The following GAD2 variants were observed in gnomAD, a reference collection of about 807,000 sequenced individuals.
The protein encoded by GAD2 is 65 kDa glutamic acid decarboxylase.
A neutral mutation model predicts 80.1 loss-of-function variants in GAD2; 22 were observed. The ratio of observed to expected loss-of-function variants is 0.27; its 90% CI spans 0.20 to 0.39. The LOEUF (loss-of-function observed/expected upper bound fraction) is 0.39. GAD2 is among the 10% of genes least tolerant of loss of function. The pLI, the probability that GAD2 is intolerant of heterozygous loss-of-function variation, is 1.00. For synonymous variants in GAD2, 274 were observed against 256.9 expected, an observed-to-expected ratio of 1.07 and a Z score of -0.64; for missense variants, 624 against 738.4, an observed-to-expected ratio of 0.85 and a Z score of 1.80.
chr10:26,219,027 T>G lies in GAD2; in HGVS notation c.287-16T>G. 6.6e-7 allele frequency: 1 copy of G among 1,524,810 alleles called. No homozygotes were observed. Among genetic ancestry groups the G allele is most frequent in the South Asian group, 1.3e-5 (1 of 77,770 alleles). The allele number at this position is 1,524,810 out of a possible 1,614,324, so 94.5% of individuals were successfully genotyped here. Reference sequence around the variant, plus strand: ...AAAGTAAAATTAAAATGTGGCATTTTAATTTCATTCTTTAGACCTGCTGCC... The same window carrying G: ...AAAGTAAAATTAAAATGTGGCATTTGAATTTCATTCTTTAGACCTGCTGCC... On this transcript the variant is annotated splice_polypyrimidine_tract_variant and intron_variant, in intron 3 of 15. Coordinates refer to ENST00000376261, the MANE Select transcript of GAD2 (RefSeq NM_001134366.2).
In GAD2 at chr10:26,292,922, C is replaced by T. The variant is rs1368211057; in HGVS notation, c.1515C>T (p.Cys505=). 6 of 1,613,968 alleles carry T rather than the reference C, an allele frequency of 3.7e-6. No homozygotes were observed. The highest frequency in any genetic ancestry group is 2.2e-5 in the East Asian group (1 of 44,882). Residue 505 remains cysteine, a synonymous_variant, in exon 15 of 16, where the codon TGC becomes TGT. Coordinates refer to ENST00000376261, the MANE Select transcript of GAD2 (RefSeq NM_001134366.2). ...FDGKPQHTNV[C]FWYIPPSLRT... is the part of the protein sequence containing the mutation. ...TGTAGCCTCAGCACACAAATGTCTG[C>T]TTCTGGTACATTCCTCCAAGCTTGC...
At chr10:26,218,978 C>A in intron 3 of GAD2, 65 bp from the exon 4 acceptor site, 2 of 1,245,852 alleles carry the variant, frequency 1.6e-6, no homozygotes, top group African/African-American at 1.5e-5. Flanking sequence ...ATTGCCTCAT[C>A]AAGATCTTGC....
Position 26,281,577 on chromosome 10 carries a change from G to T in GAD2, c.1236+490G>T, listed in dbSNP as rs146393073. On this transcript the variant is annotated intron_variant, in intron 12 of 15. Coordinates refer to ENST00000376261, the MANE Select transcript of GAD2 (RefSeq NM_001134366.2). ...TAATCTGTAATCTCTGATTACAGAT[G>T]ATTACAGTCTATCTATTTAATATTT... Among the ~76,000 whole-genome samples the T allele has an allele frequency of 2.6e-5, 4 of 152,238 alleles. No individual in the cohort carries two copies. The East Asian group carries it at 7.8e-4, about 30-fold the overall frequency.
chr10:26,277,984 A>T (rs1589151162), intron 11 of GAD2, among the ~76,000 whole-genome samples: 1 of 150,874 alleles, frequency 6.6e-6, no homozygotes, highest in African/African-American at 2.5e-5. Flanking sequence ...AATGAACCTG[A>T]GGCTGTTTTT....
rs750530679 is a variant in GAD2 at position 26,216,781 on chromosome 10, C to G, written c.-29C>G. On this transcript the variant is annotated 5_prime_UTR_variant, in exon 1 of 16. Coordinates refer to ENST00000376261, the MANE Select transcript of GAD2 (RefSeq NM_001134366.2). This position sits in a 1 kb window ranked among gnomAD's most constrained non-coding sequence, Gnocchi z 4.7. ...GCAGCTCGCCCGCAGCTCGCACTCGCAGGCGACCTGCTCCAGTCTCCAAAG... is the reference window on the plus strand; with the variant it reads ...GCAGCTCGCCCGCAGCTCGCACTCGGAGGCGACCTGCTCCAGTCTCCAAAG... The G allele has an allele frequency of 6.3e-7, 1 of 1,596,756 alleles. No homozygotes were observed.
chr10:26,296,991 T>C (rs914124923), intron 15 of GAD2, among the ~76,000 whole-genome samples: 2 of 152,118 alleles, frequency 1.3e-5, no homozygotes, highest in Admixed American at 1.3e-4. Context: ...CTCGGCTCAC[T>C]GCAACCTCCA....
intron 12 of GAD2, among the ~76,000 whole-genome samples, chr10:26,285,120 A>G (rs1434649891): frequency 6.6e-6 from 1 of 152,182 alleles, no homozygotes. Flanking sequence ...AGTTCAGTAT[A>G]TTTCTACTGA....
chr10:26,253,640 A>G (rs573669158), intron 8 of GAD2, among the ~76,000 whole-genome samples: 1 of 152,340 alleles, frequency 6.6e-6, no homozygotes, highest in South Asian at 2.1e-4. Flanking sequence ...TGTGAGCTCC[A>G]TCTTTTGGCT....
chr10:26,278,978 G>A (rs16926784), intron 11 of GAD2, among the ~76,000 whole-genome samples: 2,726 of 151,968 alleles, frequency 0.018, 90 homozygotes, highest in African/African-American at 0.062. Context: ...TCCATTGTAC[G>A]GCCAGACAGG....
At chr10:26,299,999 CT>C (rs1358875603) in intron 15 of GAD2, among the ~76,000 whole-genome samples, 1 of 152,136 alleles carries the variant, frequency 6.6e-6, no homozygotes, top group Non-Finnish European at 1.5e-5. Context: ...ATAAAGGAGT[CT>C]TGTCAGAGTT....
At chr10:26,262,295 A>G (rs1169384664) in intron 8 of GAD2, among the ~76,000 whole-genome samples, 1 of 142,674 alleles carries the variant, frequency 7.0e-6, no homozygotes, top group Non-Finnish European at 1.5e-5. Context: ...ATTTTTCTAT[A>G]TATTATTGAA....
At chr10:26,234,190 G>A (rs1269420014) in intron 7 of GAD2, among the ~76,000 whole-genome samples, 1 of 152,062 alleles carries the variant, frequency 6.6e-6, no homozygotes, top group South Asian at 2.1e-4. Context: ...CAGGTATGTT[G>A]GTTGGCGCCT....
In GAD2 at chr10:26,273,682, A is replaced by T. The variant is rs2132307187; in HGVS notation, c.1139A>T (p.Lys380Ile). The T allele has an allele frequency of 2.5e-6, 4 of 1,613,950 alleles. No homozygotes were observed. In the East Asian group the frequency reaches 8.9e-5, roughly 36 times the overall value. ...GLLMSRKHKW[K>I]LSGVERANSV... ...CTGATGTCCCGAAAACACAAGTGGA[A>T]ACTGAGTGGCGTGGAGAGGTATGTT... The change falls in exon 11 of 16, where the codon AAA becomes ATA. Residue 380 changes from lysine to isoleucine, a missense_variant. Coordinates refer to ENST00000376261, the MANE Select transcript of GAD2 (RefSeq NM_001134366.2).
intron 15 of GAD2, among the ~76,000 whole-genome samples, chr10:26,299,500 A>C (rs1834307525): frequency 6.6e-6 from 1 of 152,216 alleles, no homozygotes; most frequent in Admixed American, 6.5e-5. Flanking sequence ...GACTGTATGT[A>C]CAGTTAGACA....
rs561596430 is a variant in GAD2 at position 26,247,752 on chromosome 10, C to CG, written c.920+1757dup. On this transcript the variant is annotated intron_variant, in intron 8 of 15. Coordinates refer to ENST00000376261, the MANE Select transcript of GAD2 (RefSeq NM_001134366.2). ...CTCTACTAAAAATACAAAAATTAGC[C>CG]GGGGGTGGTGATGTGCGCCTGTGGT... Among the ~76,000 whole-genome samples, 56 of 151,530 alleles carry CG rather than the reference C, an allele frequency of 3.7e-4. No individual in the cohort carries two copies. In the East Asian group the frequency reaches 6.4e-3, roughly 17 times the overall value.
At chr10:26,244,294 T>C (rs959251757) in intron 7 of GAD2, among the ~76,000 whole-genome samples, 29 of 152,246 alleles carry the variant, frequency 1.9e-4, no homozygotes, top group African/African-American at 6.5e-4. Context: ...GAATGTAAAA[T>C]GGTACCGCCA....
At chr10:26,228,241 TC>T (rs1844553835) in intron 6 of GAD2, among the ~76,000 whole-genome samples, 1 of 152,098 alleles carries the variant, frequency 6.6e-6, no homozygotes, top group African/African-American at 2.4e-5. Flanking sequence ...ATCCTAAACT[TC>T]CCAACAGCCC....
rs1834350806 is a variant in GAD2 at position 26,303,499 on chromosome 10, G to GGGAGGGAGGGAGGAAA, written c.*2540_*2555dup. 1 of 141,594 alleles carries GGGAGGGAGGGAGGAAA rather than the reference G, an allele frequency of 7.1e-6. No homozygotes were observed. Among genetic ancestry groups the GGGAGGGAGGGAGGAAA allele is most frequent in the Non-Finnish European group, 1.6e-5 (1 of 64,194 alleles). 8.8% of individuals were successfully genotyped at this position (141,594 alleles called of 1,614,324 possible). A position where few individuals can be genotyped will look rare whatever the true frequency, so the allele number is the denominator to read the frequency against. On this transcript the variant is annotated 3_prime_UTR_variant, in exon 16 of 16. Transcript: ENST00000376261. ...GGGAGGGAGGAAGGAAATGAAGGGAGGGAGGGAGGGAGGAAAGAAGGGAGA... is the reference window on the plus strand; with the variant it reads ...GGGAGGGAGGAAGGAAATGAAGGGAGGGAGGGAGGGAGGAAAGGAGGGAGGGAGGAAAGAAGGGAGA...
chr10:26,266,812 T>G (rs373942994), intron 8 of GAD2, among the ~76,000 whole-genome samples: 5 of 152,366 alleles, frequency 3.3e-5, no homozygotes, highest in East Asian at 1.9e-4. Flanking sequence ...GAGCTTAAAA[T>G]ATTTATCTTA....
Sources: allele counts gnomAD v4.1 joint callset (sites outside exome capture counted in the v4.1 genomes callset), GRCh38; gene constraint gnomAD v4.1.1; non-coding constraint Gnocchi (gnomAD v3.1); transcripts MANE v1.5; gene names NCBI Gene and HGNC (gene_info 2026-07-23, HGNC 2026-07-21).